Variants in AEBP2 observed in about 807,000 individuals in gnomAD.
AEBP2 encodes the protein AE binding protein 2, also known as zinc finger protein AEBP2.
In AEBP2, 10 loss-of-function variants were observed where a neutral mutation model predicts 50.8. The ratio of observed to expected loss-of-function variants is 0.20; its 90% CI spans 0.12 to 0.33. The LOEUF is 0.33. Ranked by LOEUF, AEBP2 falls within the 10% of genes least tolerant of loss-of-function variation. The pLI, the probability that AEBP2 is intolerant of heterozygous loss-of-function variation, is 1.00. For synonymous variants in AEBP2, 296 were observed against 261.3 expected (o/e 1.13, Z -1.28); for missense variants, 570 against 688.0 (o/e 0.83, Z 1.92).
chr12:19,444,540 A>C (rs1018236821), intron 1 of AEBP2, among the ~76,000 whole-genome samples: 1 of 152,246 alleles, frequency 6.6e-6, no homozygotes, highest in African/African-American at 2.4e-5. Flanking sequence ...TAGCCTGAGC[A>C]TGAACCACCA....
intron 1 of AEBP2, among the ~76,000 whole-genome samples, chr12:19,461,343 G>A (rs1948374594): frequency 1.3e-5 from 2 of 151,958 alleles, no homozygotes; most frequent in African/African-American, 4.8e-5. Context: ...GAAGGCGGAA[G>A]TGTGATACAT....
chr12:19,457,789 G>T (rs1948297220), intron 1 of AEBP2: 1 of 384,310 alleles, frequency 2.6e-6, no homozygotes, highest in South Asian at 7.1e-5. Context: ...GCACTTGTTA[G>T]AAATGCTTTA....
At chr12:19,406,382 C>A (rs2095736278) in intron 1 of AEBP2, among the ~76,000 whole-genome samples, 3 of 152,122 alleles carry the variant, frequency 2.0e-5, no homozygotes, top group Admixed American at 2.0e-4. Flanking sequence ...ATTATATTAT[C>A]ATACAAAATA....
upstream of AEBP2, among the ~76,000 whole-genome samples, chr12:19,439,230 C>G (rs1302166279): frequency 6.6e-6 from 1 of 152,226 alleles, no homozygotes; most frequent in Non-Finnish European, 1.5e-5. Context: ...CTCAAACACC[C>G]CCGGAATGAA....
chr12:19,418,110 C>T (rs1399152788), intron 1 of AEBP2, among the ~76,000 whole-genome samples: 1 of 152,156 alleles, frequency 6.6e-6, no homozygotes, highest in Admixed American at 6.6e-5. Context: ...GAAACATTCA[C>T]CATCTGTTGT....
At chr12:19,516,751 G>T (rs1233203613) in intron 7 of AEBP2, among the ~76,000 whole-genome samples, 1 of 152,178 alleles carries the variant, frequency 6.6e-6, no homozygotes, top group African/African-American at 2.4e-5. Context: ...TCTTGGCCCG[G>T]TGAGGTGGTT....
intron 2 of AEBP2, among the ~76,000 whole-genome samples, chr12:19,465,791 C>CTTTTT: frequency 9.3e-6 from 1 of 107,684 alleles, no homozygotes; most frequent in Non-Finnish European, 1.9e-5. Context: ...ATTGTTTTTT[C>CTTTTT]TTTTTTTTTT....
At chr12:19,418,099 G>A (rs2095743597) in intron 1 of AEBP2, among the ~76,000 whole-genome samples, 2 of 152,094 alleles carry the variant, frequency 1.3e-5, no homozygotes, top group Non-Finnish European at 2.9e-5. Context: ...GGTCTAAATA[G>A]GAAACATTCA....
At chr12:19,436,155 C>T (rs1293612846), upstream of AEBP2, among the ~76,000 whole-genome samples, 4 of 152,150 alleles carry the variant, frequency 2.6e-5, no homozygotes, top group Non-Finnish European at 5.9e-5. Flanking sequence ...CTCTGGTCAT[C>T]GTAGCTACTC....
chr12:19,478,845 T>C (rs1809686685), intron 3 of AEBP2, among the ~76,000 whole-genome samples: 1 of 152,156 alleles, frequency 6.6e-6, no homozygotes, highest in Non-Finnish European at 1.5e-5. Flanking sequence ...TGATATAATT[T>C]AGATTTTTTA....
Position 19,518,184 on chromosome 12 carries a change from T to A in AEBP2, c.*67T>A, listed in dbSNP as rs535861276. ...TGCAGTCTTAGTCACTGACAATGGG[T>A]TTAGGGAAAGTTGCACATTAGAGTC... is the stretch of plus-strand genomic sequence containing the variant. On this transcript the variant is annotated 3_prime_UTR_variant, in exon 8 of 8. Coordinates refer to ENST00000266508, the MANE Select transcript of AEBP2 (RefSeq NM_153207.5). The A allele has an allele frequency of 6.8e-7, 1 of 1,477,276 alleles. No individual in the cohort carries two copies. Among genetic ancestry groups the A allele is most frequent in the Non-Finnish European group, 8.9e-7 (1 of 1,117,326 alleles). 91.5% of individuals were successfully genotyped at this position (1,477,276 alleles called of 1,614,324 possible).
At chr12:19,457,375 C>T in intron 1 of AEBP2, 1 of 1,436,386 alleles carries the variant, frequency 7.0e-7, no homozygotes, top group Non-Finnish European at 9.6e-7. Flanking sequence ...TGTCCTAGGG[C>T]ATCAATGATA....
rs987197143 is a variant in AEBP2 at position 19,440,598 on chromosome 12, C to T, written c.671+228C>T. The T allele has an allele frequency of 2.6e-5, 38 of 1,469,972 alleles. No homozygotes were observed. The Admixed American group carries it at 3.1e-4, about 12-fold the overall frequency. 91.1% of individuals were successfully genotyped at this position (1,469,972 alleles called of 1,614,324 possible). A position where few individuals can be genotyped will look rare whatever the true frequency, so the allele number is the denominator to read the frequency against. On this transcript the variant is annotated intron_variant, in intron 1 of 7. Coordinates refer to ENST00000266508, the MANE Select transcript of AEBP2 (RefSeq NM_153207.5). Reference sequence around the variant, plus strand: ...TCCCCCCCAACTCTCCTTTCCCCGCCCTCTTTCCCCTCGGCGCTTCGCTCC... The same window carrying T: ...TCCCCCCCAACTCTCCTTTCCCCGCTCTCTTTCCCCTCGGCGCTTCGCTCC...
intron 1 of AEBP2, chr12:19,457,770 A>G: frequency 2.2e-6 from 1 of 446,744 alleles, no homozygotes; most frequent in Non-Finnish European, 3.6e-6. Flanking sequence ...TCACAGCAGC[A>G]TCAAGCGGGC....
intron 1 of AEBP2, among the ~76,000 whole-genome samples, chr12:19,415,192 T>C (rs1034883254): frequency 9.4e-5 from 14 of 149,452 alleles, no homozygotes; most frequent in African/African-American, 3.5e-4. Flanking sequence ...TGGGCACCTG[T>C]AGTCCTAGCT....
chr12:19,481,742 G>C (rs1169864322), intron 3 of AEBP2, among the ~76,000 whole-genome samples: 1 of 152,102 alleles, frequency 6.6e-6, no homozygotes, highest in Non-Finnish European at 1.5e-5. Flanking sequence ...GCCTCCCACA[G>C]TGCTGGGATT....
chr12:19,427,799 G>C (rs2095749345), intron 1 of AEBP2, among the ~76,000 whole-genome samples: 1 of 152,082 alleles, frequency 6.6e-6, no homozygotes, highest in African/African-American at 2.4e-5. Flanking sequence ...ATAGATAGTA[G>C]GGTGGGAAGG....
At chr12:19,485,551 AT>A (rs1326811476) in intron 3 of AEBP2, among the ~76,000 whole-genome samples, 1 of 151,894 alleles carries the variant, frequency 6.6e-6, no homozygotes, top group Non-Finnish European at 1.5e-5. Context: ...TACAAAAAAA[AT>A]ACAAAAATTA....
At chr12:19,424,961 A>G (rs1034229540) in intron 1 of AEBP2, among the ~76,000 whole-genome samples, 1 of 152,122 alleles carries the variant, frequency 6.6e-6, no homozygotes, top group African/African-American at 2.4e-5. Context: ...TTGAGCTGAG[A>G]TTGAGCCACT....
Sources: allele counts gnomAD v4.1 joint callset (sites outside exome capture counted in the v4.1 genomes callset), GRCh38; gene constraint gnomAD v4.1.1; transcripts MANE v1.5; gene names NCBI Gene and HGNC (gene_info 2026-07-23, HGNC 2026-07-21).